The following UPP1 variants were observed in gnomAD, a reference collection of about 807,000 sequenced individuals.
UPP1 encodes uridine phosphorylase 1.
In UPP1, 25 loss-of-function variants were observed where a neutral mutation model predicts 29.6. The ratio of observed to expected loss-of-function variants is 0.85; its 90% confidence interval spans 0.62 to 1.18. The LOEUF (loss-of-function observed/expected upper bound fraction) is 1.18. Ranked by LOEUF, UPP1 falls within the 50% of genes most tolerant of loss-of-function variation. UPP1 has a pLI of 0.00. For synonymous variants in UPP1, 165 were observed against 159.8 expected (o/e 1.03, Z -0.25); for missense variants, 368 against 410.4 (o/e 0.90, Z 0.89).
Position 48,094,906 on chromosome 7 carries a change from C to G in UPP1, c.44+79C>G, listed in dbSNP as rs1792044972. 44 of 1,508,090 alleles carry G rather than the reference C, an allele frequency of 2.9e-5. 1 individual carries two copies. The South Asian group carries it at 5.0e-4, about 17-fold the overall frequency. The allele number at this position is 1,508,090 out of a possible 1,614,324, so 93.4% of individuals were successfully genotyped here. On this transcript the variant is annotated intron_variant, in intron 3 of 8. Coordinates refer to ENST00000395564, the MANE Select transcript of UPP1 (RefSeq NM_003364.4). Reference sequence around the variant, plus strand: ...AGCATATGTTGTGCCACACATTTTTCTAAGGACTTGACATATATTAACACA... The same window carrying G: ...AGCATATGTTGTGCCACACATTTTTGTAAGGACTTGACATATATTAACACA...
At chr7:48,092,026 A>C (rs950742320) in intron 2 of UPP1, among the ~76,000 whole-genome samples, 3 of 152,112 alleles carry the variant, frequency 2.0e-5, no homozygotes, top group African/African-American at 7.2e-5. Flanking sequence ...TCCGGGGGCC[A>C]CTCAGCAGTC....
At chr7:48,099,636 T>A in intron 3 of UPP1, 34 bp from the exon 4 acceptor site, 1 of 1,475,960 alleles carries the variant, frequency 6.8e-7, no homozygotes, top group Non-Finnish European at 9.5e-7. Flanking sequence ...GCACTGATGT[T>A]CTATAAGCCT....
rs1131054 is a variant in UPP1 at position 48,108,251 on chromosome 7, T to G, written c.827T>G (p.Leu276Arg). Residue 276 changes from leucine (L) to arginine (R), a missense_variant, in exon 9 of 9, where the codon CTG becomes CGG. Transcript: ENST00000395564. Reference protein sequence around the residue: ...AVVCVTLLNRLEGDQISSPRN... With the variant: ...AVVCVTLLNRREGDQISSPRN... ...GTGTGTGTCACCCTCCTGAACCGCC[T>G]GGAAGGGGACCAGATCAGCAGCCCT... 2.5e-6 allele frequency: 4 copies of G among 1,613,704 alleles called. No homozygotes were observed. Among genetic ancestry groups the G allele is most frequent in the South Asian group, 1.1e-5 (1 of 91,058 alleles).
rs754803340 is a variant in UPP1 at position 48,107,370 on chromosome 7, G to A, written c.656G>A (p.Arg219His). 2.4e-5 allele frequency: 38 copies of A among 1,612,184 alleles called. No homozygotes were observed. The highest frequency in any genetic ancestry group is 3.3e-5 in the Admixed American group (2 of 59,770). ...TCCATGTGTGCCTCAGGGCAAGGCC[G>A]TCTGGATGGGGCTCTCTGCTCCTAC... ...CTLDFYEGQG[R>H]LDGALCSYTE... The change falls in exon 8 of 9, where the codon CGT (arginine) becomes CAT (histidine). Residue 219 changes from arginine to histidine, a missense_variant. Transcript: ENST00000395564.
At chr7:48,093,051 A>G (rs1265490509) in intron 2 of UPP1, among the ~76,000 whole-genome samples, 1 of 152,096 alleles carries the variant, frequency 6.6e-6, no homozygotes, top group Non-Finnish European at 1.5e-5. Context: ...TAAAAAAAAA[A>G]TCAACAACAC....
At chr7:48,104,145 G>C (rs1022616308) in intron 6 of UPP1, among the ~76,000 whole-genome samples, 1 of 152,074 alleles carries the variant, frequency 6.6e-6, no homozygotes, top group Non-Finnish European at 1.5e-5. Context: ...TTGAACCCGG[G>C]AGGCGGAGGT....
intron 4 of UPP1, among the ~76,000 whole-genome samples, chr7:48,100,885 A>G (rs1455420519): frequency 6.6e-6 from 1 of 152,024 alleles, no homozygotes; most frequent in Non-Finnish European, 1.5e-5. Flanking sequence ...AGAATAATTA[A>G]TAATTCTTTT....
At position 48,108,507 on chromosome 7, in the gene UPP1, C is replaced by T. The variant is rs543558141; in HGVS notation, c.*150C>T. ...AAGAGACAGAGAATCTTGGATTAAC[C>T]GCATGGGAGATGTTCTTCCTTTTGA... On this transcript the variant is annotated 3_prime_UTR_variant, in exon 9 of 9. Coordinates refer to ENST00000395564, the MANE Select transcript of UPP1 (RefSeq NM_003364.4). 211 of 873,286 alleles carry T rather than the reference C, an allele frequency of 2.4e-4. 1 individual carries two copies. Among genetic ancestry groups the T allele is most frequent in the Non-Finnish European group, 3.1e-4 (192 of 617,344 alleles). The allele number at this position is 873,286 out of a possible 1,614,324, so 54.1% of individuals were successfully genotyped here.
chr7:48,098,087 G>C (rs551753425), intron 3 of UPP1, among the ~76,000 whole-genome samples: 131 of 152,310 alleles, frequency 8.6e-4, no homozygotes, highest in African/African-American at 3.1e-3. Context: ...GCAGTCAGCA[G>C]AGTCCCTGCC....
At chr7:48,103,485 G>A in intron 6 of UPP1, 74 bp downstream of exon 6, 2 of 1,297,400 alleles carry the variant, frequency 1.5e-6, no homozygotes, top group Non-Finnish European at 1.1e-6. Flanking sequence ...GCTTCTACAT[G>A]GTGTGGCATT....
chr7:48,101,891 G>C lies in UPP1; in HGVS notation c.230G>C (p.Gly77Ala). 1.2e-6 allele frequency: 2 copies of C among 1,614,054 alleles called. No homozygotes were observed. Among genetic ancestry groups the C allele is most frequent in the Non-Finnish European group, 1.7e-6 (2 of 1,180,010 alleles). ...AFIRCVGAEL[G>A]LDCPGRDYPN... ...ATCAGGTGCGTTGGTGCAGAGCTGG[G>C]CCTTGACTGCCCAGGTAGAGACTAT... The change falls in exon 5 of 9, where the codon GGC becomes GCC. Residue 77 changes from glycine to alanine, a missense_variant. Coordinates refer to ENST00000395564, the MANE Select transcript of UPP1 (RefSeq NM_003364.4).
chr7:48,097,711 G>T (rs949129281), intron 3 of UPP1, among the ~76,000 whole-genome samples: 1 of 152,080 alleles, frequency 6.6e-6, no homozygotes, highest in African/African-American at 2.4e-5. Flanking sequence ...CTTCTATGTT[G>T]TACTCTGTGT....
chr7:48,099,617 G>A (rs1792308956), intron 3 of UPP1, 53 bp from the exon 4 acceptor site: 1 of 1,262,200 alleles, frequency 7.9e-7, no homozygotes, highest in East Asian at 2.3e-5. Context: ...TGATAATGTC[G>A]GCTGTCGGGC....
rs963907485 is a variant in UPP1 at position 48,103,437 on chromosome 7, C to G, written c.436+26C>G. The G allele has an allele frequency of 4.4e-6, 7 of 1,583,610 alleles. No homozygotes were observed. The East Asian group carries it at 1.1e-4, about 25-fold the overall frequency. On this transcript the variant is annotated intron_variant, in intron 6 of 8. Transcript: ENST00000395564. Reference sequence around the variant, plus strand: ...GTAAGGTCTGCAGAGGGGCCTCTTGCCCTGTGAATGGATGAGGGACTGGGG... The same window carrying G: ...GTAAGGTCTGCAGAGGGGCCTCTTGGCCTGTGAATGGATGAGGGACTGGGG...
intron 2 of UPP1, among the ~76,000 whole-genome samples, chr7:48,091,615 G>T (rs762862364): frequency 1.5e-4 from 23 of 152,152 alleles, no homozygotes; most frequent in South Asian, 8.3e-4. Context: ...TCAACACCAG[G>T]GTCTTTTCCA....
intron 3 of UPP1, 144 bp downstream of exon 3, chr7:48,094,971 A>G (rs961777656): frequency 2.9e-6 from 3 of 1,039,962 alleles, no homozygotes; most frequent in Non-Finnish European, 4.2e-6. Context: ...GGAGGGATTA[A>G]TGACTCAGGA....
At chr7:48,091,354 G>A (rs1676755116) in intron 2 of UPP1, among the ~76,000 whole-genome samples, 1 of 149,332 alleles carries the variant, frequency 6.7e-6, no homozygotes, top group African/African-American at 2.5e-5. Context: ...GGTGATCACC[G>A]AAAAGACTCT....
chr7:48,103,510 C>A, intron 6 of UPP1, 99 bp downstream of exon 6: 1 of 1,101,596 alleles, frequency 9.1e-7, no homozygotes, highest in Non-Finnish European at 1.4e-6. Flanking sequence ...ACAAAGAGTT[C>A]CTTTCTTGGC....
intron 4 of UPP1, among the ~76,000 whole-genome samples, chr7:48,100,878 A>G (rs1583870048): frequency 6.6e-6 from 1 of 152,124 alleles, no homozygotes; most frequent in East Asian, 1.9e-4. Flanking sequence ...TGTTTAGAGA[A>G]TAATTAATAA....
Sources: gnomAD v4.1 joint callset for allele counts (sites outside exome capture counted in the v4.1 genomes callset) on GRCh38, gnomAD v4.1.1 for gene constraint, MANE v1.5 for transcripts, NCBI Gene and HGNC (gene_info 2026-07-23, HGNC 2026-07-21) for gene names.